SNCAIP: variants seen among roughly 807,000 people sequenced by gnomAD.
SNCAIP encodes synphilin-1.
SNCAIP carries 43 observed loss-of-function variants against 86.7 expected under a neutral mutation model. The ratio of observed to expected loss-of-function variants is 0.50; its 90% confidence interval spans 0.39 to 0.64. SNCAIP has a LOEUF of 0.64. Ranked by LOEUF, SNCAIP falls within the 30% of genes least tolerant of loss-of-function variation. SNCAIP has a pLI of 0.00. For synonymous variants in SNCAIP, 417 were observed against 427.2 expected, an observed-to-expected ratio of 0.98 and a Z score of 0.29; for missense variants, 981 against 1,103.1, an observed-to-expected ratio of 0.89 and a Z score of 1.57.
At chr5:122,410,712 A>G (rs1253553654) in intron 3 of SNCAIP, among the ~76,000 whole-genome samples, 1 of 152,138 alleles carries the variant, frequency 6.6e-6, no homozygotes, top group Non-Finnish European at 1.5e-5. Context: ...AATCCCCGGT[A>G]CTCAGGAGGC....
At chr5:122,318,557 T>C (rs1752287785) in intron 1 of SNCAIP, among the ~76,000 whole-genome samples, 2 of 152,244 alleles carry the variant, frequency 1.3e-5, no homozygotes, top group South Asian at 4.1e-4. Context: ...ATCATTCATC[T>C]TTCATTTTTT....
At chr5:122,374,344 T>G (rs1161972721) in intron 1 of SNCAIP, among the ~76,000 whole-genome samples, 1 of 152,184 alleles carries the variant, frequency 6.6e-6, no homozygotes, top group East Asian at 1.9e-4. Context: ...TACAGCCATC[T>G]CTTCAAGCTT....
intron 10 of SNCAIP, chr5:122,451,932 A>G (rs768401184): frequency 5.1e-5 from 14 of 274,206 alleles, no homozygotes; most frequent in South Asian, 1.0e-4. Flanking sequence ...GAAACCACCA[A>G]TTAGCGCAAG....
intron 1 of SNCAIP, among the ~76,000 whole-genome samples, chr5:122,341,864 G>A (rs7712472): frequency 0.19 from 29,183 of 152,044 alleles, 2,886 homozygotes; most frequent in South Asian, 0.3. Flanking sequence ...ACTCCATCCC[G>A]AATTTAGATG....
chr5:122,413,323 A>C (rs1326478679), intron 3 of SNCAIP, among the ~76,000 whole-genome samples: 1 of 152,158 alleles, frequency 6.6e-6, no homozygotes, highest in African/African-American at 2.4e-5. Context: ...TCTGCTTTAG[A>C]AACTTGCACA....
intron 7 of SNCAIP, among the ~76,000 whole-genome samples, chr5:122,442,358 G>A (rs980394778): frequency 2.2e-4 from 34 of 152,092 alleles, no homozygotes; most frequent in African/African-American, 7.5e-4. Context: ...AAAACAAAAA[G>A]CAGAGATAAT....
At position 122,444,385 on chromosome 5, in the gene SNCAIP, T is replaced by C. The variant is rs1403095777; in HGVS notation, c.1423-178T>C. The C allele has an allele frequency of 1.2e-5, 8 of 670,118 alleles. No individual in the cohort carries two copies. The Admixed American group carries it at 1.3e-4, about 11-fold the overall frequency. 41.5% of individuals were successfully genotyped at this position (670,118 alleles called of 1,614,324 possible). ...TCCTTATGTGGGCTGCAGATGAGCA[T>C]TGATAGTAGTAGGACTGGCTCTGCT... On this transcript the variant is annotated intron_variant, in intron 7 of 10. Transcript: ENST00000261368.
At chr5:122,381,892 G>A (rs1046700679) in intron 1 of SNCAIP, among the ~76,000 whole-genome samples, 2 of 152,010 alleles carry the variant, frequency 1.3e-5, no homozygotes, top group African/African-American at 2.4e-5. Context: ...TGGCTTGTAG[G>A]GTTTCTGCAG....
rs78914906 is a variant in SNCAIP at position 122,343,062 on chromosome 5, T to G, written c.-47+30778T>G. On this transcript the variant is annotated intron_variant, in intron 1 of 10. Coordinates refer to ENST00000261368, the MANE Select transcript of SNCAIP (RefSeq NM_005460.4). ...GGGTAGATGGCACCTTAAAATAGTT[T>G]TGGCAAATATGTTCATGAGTTAAAG... Among the ~76,000 whole-genome samples the G allele has an allele frequency of 2.6e-4, 39 of 152,354 alleles. No homozygotes were observed. In the East Asian group the frequency reaches 6.9e-3, roughly 27 times the overall value.
intron 10 of SNCAIP, among the ~76,000 whole-genome samples, chr5:122,460,869 C>G (rs1186459477): frequency 6.6e-6 from 1 of 152,170 alleles, no homozygotes; most frequent in Admixed American, 6.5e-5. Flanking sequence ...CCTCCTCCTG[C>G]CCCCATCTTC....
At chr5:122,313,957 A>C (rs2152639473) in intron 1 of SNCAIP, among the ~76,000 whole-genome samples, 1 of 152,350 alleles carries the variant, frequency 6.6e-6, no homozygotes, top group South Asian at 2.1e-4. Flanking sequence ...TTTTGAATGT[A>C]AATTTCATTT....
At chr5:122,372,033 C>T (rs777263904) in intron 1 of SNCAIP, among the ~76,000 whole-genome samples, 1 of 151,954 alleles carries the variant, frequency 6.6e-6, no homozygotes, top group Admixed American at 6.6e-5. Context: ...AACTGTCAGC[C>T]CCCAGTTGCC....
chr5:122,336,458 A>C (rs1036089410), intron 1 of SNCAIP, among the ~76,000 whole-genome samples: 1 of 152,174 alleles, frequency 6.6e-6, no homozygotes, highest in Non-Finnish European at 1.5e-5. Flanking sequence ...TCATTGTTCT[A>C]GTCCCTGGAC....
intron 1 of SNCAIP, among the ~76,000 whole-genome samples, chr5:122,348,761 A>G (rs1339415207): frequency 6.6e-6 from 1 of 152,178 alleles, no homozygotes; most frequent in Admixed American, 6.5e-5. Flanking sequence ...AAGATGTTTC[A>G]CATAAGAACT....
intron 1 of SNCAIP, among the ~76,000 whole-genome samples, chr5:122,388,263 A>G (rs1358642534): frequency 1.3e-5 from 2 of 151,972 alleles, no homozygotes; most frequent in Non-Finnish European, 2.9e-5. Context: ...CAACTGATTC[A>G]ATTTTTTTTT....
intron 1 of SNCAIP, among the ~76,000 whole-genome samples, chr5:122,338,450 C>T (rs891467165): frequency 6.6e-6 from 1 of 152,184 alleles, no homozygotes. Flanking sequence ...ATTGGATTAT[C>T]ACTGTTAGTG....
intron 2 of SNCAIP, among the ~76,000 whole-genome samples, chr5:122,397,594 A>G (rs941776766): frequency 2.0e-5 from 3 of 152,166 alleles, no homozygotes; most frequent in African/African-American, 4.8e-5. Context: ...AGGATTAGTT[A>G]TAATAATTTT....
At position 122,366,278 on chromosome 5, in the gene SNCAIP, T is replaced by C. The variant is rs534798747; in HGVS notation, c.-46-24811T>C. On this transcript the variant is annotated intron_variant, in intron 1 of 10. Coordinates refer to ENST00000261368, the MANE Select transcript of SNCAIP (RefSeq NM_005460.4). Reference sequence around the variant, plus strand: ...GTTAGGGCCACTAGCAAAGCTGGAATGATGTTCAGCTGCTGAACAGTTACA... The same window carrying C: ...GTTAGGGCCACTAGCAAAGCTGGAACGATGTTCAGCTGCTGAACAGTTACA... Among the ~76,000 whole-genome samples, 289 of 152,324 alleles carry C rather than the reference T, an allele frequency of 1.9e-3. 3 individuals are homozygous for C. Among genetic ancestry groups the C allele is most frequent in the African/African-American group, 6.7e-3 (279 of 41,582 alleles).
chr5:122,333,987 G>T (rs1381594231), intron 1 of SNCAIP, among the ~76,000 whole-genome samples: 1 of 152,180 alleles, frequency 6.6e-6, no homozygotes, highest in Non-Finnish European at 1.5e-5. Context: ...CTACAAGAAA[G>T]AAGAGATCAG....
Sources: allele counts gnomAD v4.1 joint callset (sites outside exome capture counted in the v4.1 genomes callset), GRCh38; gene constraint gnomAD v4.1.1; transcripts MANE v1.5; gene names NCBI Gene and HGNC (gene_info 2026-07-23, HGNC 2026-07-21).